CDC42BPA: variants seen among roughly 807,000 people sequenced by gnomAD.
CDC42BPA encodes the protein CDC42 binding protein kinase alpha, also known as serine/threonine-protein kinase MRCK alpha.
Under a neutral mutation model 223.5 loss-of-function variants are expected in CDC42BPA, and 80 were observed. The ratio of observed to expected loss-of-function variants is 0.36; its 90% CI spans 0.30 to 0.43. CDC42BPA has a LOEUF of 0.43. CDC42BPA is among the 20% of genes least tolerant of loss of function. The pLI is 1.00. For missense variants in CDC42BPA, 1,743 were observed against 2,099.9 expected (o/e 0.83, Z 3.32); for synonymous variants, 694 against 718.6 (o/e 0.97, Z 0.55).
At chr1:227,109,869 T>TATGCAGTATATGCATTGTTGTATATGAG (rs1553341114) in intron 14 of CDC42BPA, among the ~76,000 whole-genome samples, 1 of 151,888 alleles carries the variant, frequency 6.6e-6, no homozygotes, top group Non-Finnish European at 1.5e-5. Flanking sequence ...CATTGTTGTA[T>TATGCAGTATATGCATTGTTGTATATGAG]ATGCAGTCTG....
chr1:227,035,215 G>A (rs939055457), intron 25 of CDC42BPA, among the ~76,000 whole-genome samples: 3 of 152,114 alleles, frequency 2.0e-5, no homozygotes, highest in African/African-American at 7.2e-5. Context: ...AAGAGCAGGG[G>A]CCACAAACTC....
intron 2 of CDC42BPA, among the ~76,000 whole-genome samples, chr1:227,251,938 T>TA (rs1420458451): frequency 6.6e-6 from 1 of 152,056 alleles, no homozygotes; most frequent in Non-Finnish European, 1.5e-5. Context: ...TTAATGAACT[T>TA]TAAATTCATA....
At chr1:227,006,312 T>C (rs748918854) in intron 34 of CDC42BPA, among the ~76,000 whole-genome samples, 3 of 152,202 alleles carry the variant, frequency 2.0e-5, no homozygotes, top group Admixed American at 6.5e-5. Context: ...CTCTCCTTCA[T>C]TGGCTGTTTG....
chr1:227,165,896 T>C (rs1664953599), intron 5 of CDC42BPA, among the ~76,000 whole-genome samples: 2 of 152,236 alleles, frequency 1.3e-5, no homozygotes, highest in Admixed American at 1.3e-4. Context: ...ATTAGTTTTT[T>C]CTTTACTGTG....
At chr1:227,213,767 A>G (rs549005928) in intron 2 of CDC42BPA, among the ~76,000 whole-genome samples, 10 of 152,122 alleles carry the variant, frequency 6.6e-5, no homozygotes, top group Non-Finnish European at 1.5e-4. Flanking sequence ...ACATACACAC[A>G]TATACATACG....
In CDC42BPA at chr1:227,213,116, C is replaced by A. The variant is rs747588253; in HGVS notation, c.354+20G>T. 8 of 1,131,596 alleles carry A rather than the reference C, an allele frequency of 7.1e-6. No individual in the cohort carries two copies. In the African/African-American group the frequency reaches 7.9e-5, roughly 11 times the overall value. 70.1% of individuals were successfully genotyped at this position (1,131,596 alleles called of 1,614,324 possible). On this transcript the variant is annotated intron_variant, in intron 3 of 36. Coordinates refer to ENST00000366766, the MANE Select transcript of CDC42BPA (RefSeq NM_001394014.1). ...AATATTTCTAAAATATTTATATATT[C>A]CAATACATAAGACTCTTACCTCAGC...
chr1:227,213,015 T>C, intron 3 of CDC42BPA, 121 bp downstream of exon 3: 1 of 530,730 alleles, frequency 1.9e-6, no homozygotes. Flanking sequence ...CTTTTATGCC[T>C]TAAAAAATGT....
At chr1:227,316,226 G>T (rs1694365715) in intron 1 of CDC42BPA, among the ~76,000 whole-genome samples, 1 of 152,204 alleles carries the variant, frequency 6.6e-6, no homozygotes. Flanking sequence ...AGCAGACGCT[G>T]AAGAACTTGA....
At chr1:227,294,164 C>G (rs963768672) in intron 1 of CDC42BPA, among the ~76,000 whole-genome samples, 4 of 150,764 alleles carry the variant, frequency 2.7e-5, no homozygotes, top group African/African-American at 9.8e-5. Context: ...CCCAGCTACT[C>G]GGGAGGCTGA....
In CDC42BPA at chr1:227,183,540, T is replaced by G. The variant is rs1218493508; in HGVS notation, c.599+10246A>C. ...TATATATCAGAAGTTCATTCCTTTTTATTGTTCAGTAGTACTCCACTGCAT... is the reference window on the plus strand; with the variant it reads ...TATATATCAGAAGTTCATTCCTTTTGATTGTTCAGTAGTACTCCACTGCAT... On this transcript the variant is annotated intron_variant, in intron 5 of 36. Coordinates refer to ENST00000366766, the MANE Select transcript of CDC42BPA (RefSeq NM_001394014.1). The G allele has an allele frequency of 3.3e-5, 5 of 152,230 alleles. No homozygotes were observed. In the South Asian group the frequency reaches 1.0e-3, roughly 32 times the overall value. The allele number at this position is 152,230 out of a possible 1,614,324, so 9.4% of individuals were successfully genotyped here.
At chr1:227,008,318 C>T (rs893078878) in intron 34 of CDC42BPA, among the ~76,000 whole-genome samples, 1 of 152,002 alleles carries the variant, frequency 6.6e-6, no homozygotes, top group Non-Finnish European at 1.5e-5. Context: ...TTTAAAGATA[C>T]AAAATAACAT....
At chr1:227,165,903 T>C (rs1331650703) in intron 5 of CDC42BPA, among the ~76,000 whole-genome samples, 1 of 152,208 alleles carries the variant, frequency 6.6e-6, no homozygotes, top group African/African-American at 2.4e-5. Context: ...TTTTCTTTAC[T>C]GTGTTAAGTA....
intron 21 of CDC42BPA, among the ~76,000 whole-genome samples, chr1:227,060,771 G>A (rs1261014204): frequency 7.3e-6 from 1 of 136,748 alleles, no homozygotes; most frequent in East Asian, 2.1e-4. Context: ...TCACCCAGGT[G>A]GATGCAGTGG....
chr1:227,223,997 G>A (rs1345198687), intron 2 of CDC42BPA, among the ~76,000 whole-genome samples: 1 of 152,126 alleles, frequency 6.6e-6, no homozygotes, highest in African/African-American at 2.4e-5. Flanking sequence ...TGATGGTTAG[G>A]TATATTAAAT....
At chr1:227,185,830 C>T (rs186474898) in intron 5 of CDC42BPA, among the ~76,000 whole-genome samples, 33 of 150,344 alleles carry the variant, frequency 2.2e-4, no homozygotes, top group African/African-American at 7.6e-4. Flanking sequence ...AATGATAAAA[C>T]ATGTTGTTTT....
At chr1:227,308,509 C>CAAAAA (rs34849679) in intron 1 of CDC42BPA, among the ~76,000 whole-genome samples, 6 of 89,756 alleles carry the variant, frequency 6.7e-5, no homozygotes, top group East Asian at 6.5e-4. Context: ...GACTGTATCT[C>CAAAAA]AAAAAAAAAA....
At chr1:227,313,043 G>A (rs1693796661) in intron 1 of CDC42BPA, among the ~76,000 whole-genome samples, 1 of 151,934 alleles carries the variant, frequency 6.6e-6, no homozygotes, top group Non-Finnish European at 1.5e-5. Context: ...ATAGCAATGC[G>A]AGAACAGACT....
At chr1:227,175,888 G>A (rs1666870817) in intron 5 of CDC42BPA, among the ~76,000 whole-genome samples, 1 of 152,104 alleles carries the variant, frequency 6.6e-6, no homozygotes, top group South Asian at 2.1e-4. Context: ...CTGTCAATAG[G>A]GATGCTCACT....
chr1:227,026,865 A>T (rs7549586), intron 30 of CDC42BPA, among the ~76,000 whole-genome samples: 1 of 151,990 alleles, frequency 6.6e-6, no homozygotes, highest in Non-Finnish European at 1.5e-5. Flanking sequence ...CCTAGGCTGG[A>T]GTGCAATGGC....
Sources: allele counts gnomAD v4.1 joint callset (sites outside exome capture counted in the v4.1 genomes callset), GRCh38; gene constraint gnomAD v4.1.1; transcripts MANE v1.5; gene names NCBI Gene and HGNC (gene_info 2026-07-23, HGNC 2026-07-21).